Variants in AFF1 observed in about 807,000 individuals in gnomAD.
AFF1 encodes the protein AF4/FMR2 family member 1.
Under a neutral mutation model 121.7 loss-of-function variants are expected in AFF1, and 48 were observed. The observed-to-expected ratio is 0.39, with a 90% CI of 0.31 to 0.50. The LOEUF (loss-of-function observed/expected upper bound fraction) is 0.50. AFF1 is among the 20% of genes least tolerant of loss of function. The probability of loss-of-function intolerance (pLI) is 0.76; values close to 1 mark genes in which losing one functional copy is unlikely to be tolerated. For missense variants in AFF1, 1,523 were observed against 1,511.7 expected (o/e 1.01, Z -0.12); for synonymous variants, 613 against 563.0 (o/e 1.09, Z -1.26).
rs397994396 is a variant in AFF1 at position 87,115,625 on chromosome 4, T to TTTTTTTTTTTTTTTTTTC, written c.2466+326_2466+327insTTTTTTTTTTTTTTTTTC. On this transcript the variant is annotated intron_variant, in intron 12 of 20. Coordinates refer to ENST00000395146, the MANE Select transcript of AFF1 (RefSeq NM_001166693.3). ...AACCCACCTCTTTTTTTTTTTTTTTTCCAAAGACAGGCCCTTGCTCTGTTG... is the reference window on the plus strand; with the variant it reads ...AACCCACCTCTTTTTTTTTTTTTTTTTTTTTTTTTTTTTTTTTCCCAAAGACAGGCCCTTGCTCTGTTG... 3.3e-3 allele frequency among the ~76,000 whole-genome samples: 339 copies of TTTTTTTTTTTTTTTTTTC among 102,968 alleles called. 54 individuals are homozygous for TTTTTTTTTTTTTTTTTTC. The highest frequency in any genetic ancestry group is 5.1e-3 in the Non-Finnish European group (257 of 50,882). 67.6% of individuals were successfully genotyped at this position (102,968 alleles called of 152,430 possible).
intron 3 of AFF1, 133 bp downstream of exon 3, chr4:87,046,419 C>A: frequency 1.5e-6 from 2 of 1,315,494 alleles, no homozygotes; most frequent in Non-Finnish European, 1.0e-6. Flanking sequence ...CTAACTTATT[C>A]TAGAGATTTT....
chr4:87,069,558 CCTCT>C (rs1721781465), intron 4 of AFF1, among the ~76,000 whole-genome samples: 1 of 147,538 alleles, frequency 6.8e-6, no homozygotes, highest in African/African-American at 2.6e-5. Flanking sequence ...CTCCCCTTTC[CCTCT>C]CCTCTCTCTC....
intron 4 of AFF1, among the ~76,000 whole-genome samples, chr4:87,048,510 CTA>C (rs1730952249): frequency 6.6e-6 from 1 of 152,158 alleles, no homozygotes; most frequent in Non-Finnish European, 1.5e-5. Flanking sequence ...AATGTAAAGT[CTA>C]TGGTTTAGTT....
chr4:87,052,416 C>T (rs531504356), intron 4 of AFF1, among the ~76,000 whole-genome samples: 1 of 152,120 alleles, frequency 6.6e-6, no homozygotes, highest in Admixed American at 6.5e-5. Flanking sequence ...GTCTCAACCG[C>T]TCCCTCCTCC....
intron 1 of AFF1, among the ~76,000 whole-genome samples, chr4:86,938,107 T>C (rs979501627): frequency 6.6e-6 from 1 of 152,204 alleles, no homozygotes; most frequent in East Asian, 1.9e-4. Flanking sequence ...GACCATTAAC[T>C]AATTTTTTGG....
intron 13 of AFF1, 98 bp from the exon 14 acceptor site, chr4:87,126,001 C>A (rs1728200914): frequency 2.5e-6 from 3 of 1,205,406 alleles, no homozygotes; most frequent in African/African-American, 3.0e-5. Flanking sequence ...TTTGTGATAC[C>A]CTACTCTTTT....
intron 2 of AFF1, among the ~76,000 whole-genome samples, chr4:87,003,602 AG>A (rs1466701464): frequency 2.0e-5 from 3 of 152,236 alleles, no homozygotes; most frequent in Non-Finnish European, 4.4e-5. Context: ...TAGTTCAAAA[AG>A]TATAATTTTA....
Position 87,046,833 on chromosome 4 carries a change from C to A in AFF1, c.298C>A (p.Pro100Thr). Reference sequence around the variant, plus strand: ...AAATAGGTTGGGAAAGCCGAAATATCCTTTAATTCCTGACAAAGGGAGCAG... The same window carrying A: ...AAATAGGTTGGGAAAGCCGAAATATACTTTAATTCCTGACAAAGGGAGCAG... ...SENRLGKPKYPLIPDKGSSIP... is the reference protein window; with the variant it reads ...SENRLGKPKYTLIPDKGSSIP... Residue 100 changes from proline to threonine, a missense_variant, in exon 4 of 21, where the codon CCT (proline) becomes ACT (threonine). By Grantham distance (38) the Pro-to-Thr change is conservative. Coordinates refer to ENST00000395146, the MANE Select transcript of AFF1 (RefSeq NM_001166693.3). 1 of 1,614,212 alleles carries A rather than the reference C, an allele frequency of 6.2e-7. No homozygotes were observed. The highest frequency in any genetic ancestry group is 8.5e-7 in the Non-Finnish European group (1 of 1,180,044).
intron 4 of AFF1, chr4:87,049,898 G>A (rs1731106636): frequency 2.8e-6 from 1 of 357,086 alleles, no homozygotes; most frequent in African/African-American, 2.1e-5. Context: ...GTGCTCCCTG[G>A]TCAGGTTTTG....
chr4:86,949,938 G>C, intron 2 of AFF1: 1 of 1,614,174 alleles, frequency 6.2e-7, no homozygotes. Context: ...CCAGCGGGCC[G>C]CAGGTCCCGC....
At chr4:86,964,178 C>A (rs1333961531) in intron 2 of AFF1, among the ~76,000 whole-genome samples, 1 of 147,162 alleles carries the variant, frequency 6.8e-6, no homozygotes, top group Non-Finnish European at 1.5e-5. Flanking sequence ...GGCTAGGGTG[C>A]AATGGTGTGA....
Position 87,116,653 on chromosome 4 carries a change from C to T in AFF1, c.2466+1354C>T, listed in dbSNP as rs531944149. Among the ~76,000 whole-genome samples the T allele has an allele frequency of 3.9e-5, 6 of 152,290 alleles. No individual in the cohort carries two copies. In the South Asian group the frequency reaches 6.2e-4, roughly 16 times the overall value. ...CACGACTTTACCGAATAGTAAAGGGCGACTGCTTTCTTCAGAACCTCCTTG... is the reference window on the plus strand; with the variant it reads ...CACGACTTTACCGAATAGTAAAGGGTGACTGCTTTCTTCAGAACCTCCTTG... On this transcript the variant is annotated intron_variant, in intron 12 of 20. Coordinates refer to ENST00000395146, the MANE Select transcript of AFF1 (RefSeq NM_001166693.3).
intron 4 of AFF1, among the ~76,000 whole-genome samples, chr4:87,067,821 T>C (rs1721516545): frequency 6.6e-6 from 1 of 152,236 alleles, no homozygotes; most frequent in African/African-American, 2.4e-5. Flanking sequence ...GGAACAAAAA[T>C]GTCTACATGC....
Position 87,047,018 on chromosome 4 carries a change from G to A in AFF1, c.483G>A (p.Pro161=), listed in dbSNP as rs754553356. The A allele has an allele frequency of 1.6e-5, 26 of 1,614,038 alleles. No homozygotes were observed. The highest frequency in any genetic ancestry group is 2.2e-5 in the South Asian group (2 of 91,066). Residue 161 remains proline (P), a synonymous_variant, in exon 4 of 21, where the codon CCG becomes CCA. Transcript: ENST00000395146. ...PSLHAKSCGP[P]DSQHLTQDRL... ...TCCATGCCAAAAGCTGCGGCCCACC[G>A]GACAGCCAGCACCTGACCCAGGATC...
At chr4:86,936,216 A>G (rs947553741) in intron 1 of AFF1, 5 of 152,174 alleles carry the variant, frequency 3.3e-5, no homozygotes, top group African/African-American at 9.7e-5. Context: ...ATTTGTTTTA[A>G]GGGTGGAGCC....
intron 12 of AFF1, among the ~76,000 whole-genome samples, chr4:87,122,982 C>T (rs780394583): frequency 3.3e-5 from 5 of 151,962 alleles, no homozygotes; most frequent in Non-Finnish European, 7.4e-5. Context: ...GCACCCTCCA[C>T]CTCCTGGGTT....
intron 4 of AFF1, among the ~76,000 whole-genome samples, chr4:87,057,634 A>C (rs754578778): frequency 2.6e-5 from 4 of 152,178 alleles, no homozygotes; most frequent in Non-Finnish European, 5.9e-5. Context: ...ATGGGGAATT[A>C]GTGATGTTGG....
intron 4 of AFF1, among the ~76,000 whole-genome samples, chr4:87,053,551 G>C (rs576135540): frequency 2.6e-5 from 4 of 152,158 alleles, no homozygotes; most frequent in Non-Finnish European, 4.4e-5. Context: ...ACCTTCAGGC[G>C]GTTTACTTCT....
intron 2 of AFF1, among the ~76,000 whole-genome samples, chr4:87,011,142 C>T (rs964368943): frequency 7.3e-5 from 11 of 151,050 alleles, no homozygotes; most frequent in Admixed American, 7.2e-4. Flanking sequence ...CCTGGCCCTT[C>T]TCCACCCTGG....
Sources: allele counts gnomAD v4.1 joint callset (sites outside exome capture counted in the v4.1 genomes callset), GRCh38; gene constraint gnomAD v4.1.1; transcripts MANE v1.5; gene names NCBI Gene and HGNC (gene_info 2026-07-23, HGNC 2026-07-21).